Variants in ANKRD11 observed in about 807,000 individuals in gnomAD.
ANKRD11 encodes the protein ankyrin repeat domain 11.
Under a neutral mutation model 195.7 loss-of-function variants are expected in ANKRD11, and 17 were observed. The ratio of observed to expected loss-of-function variants is 0.09; its 90% confidence interval spans 0.06 to 0.13. ANKRD11 has a LOEUF of 0.13. Ranked by LOEUF, ANKRD11 falls within the 10% of genes least tolerant of loss-of-function variation. The pLI, the probability that ANKRD11 is intolerant of heterozygous loss-of-function variation, is 1.00. For synonymous variants in ANKRD11, 1,953 were observed against 1,528.1 expected, an observed-to-expected ratio of 1.28 and a Z score of -6.49; for missense variants, 3,735 against 3,566.1, an observed-to-expected ratio of 1.05 and a Z score of -1.21.
rs376244874 is a variant in ANKRD11, at chr16:89,305,328, G to A, written c.104C>T (p.Ser35Phe). 17 of 1,613,878 alleles carry A rather than the reference G, an allele frequency of 1.1e-5. 1 individual carries two copies. Among genetic ancestry groups the A allele is most frequent in the Non-Finnish European group, 1.4e-5 (17 of 1,179,916 alleles). Residue 35 changes from serine (S) to phenylalanine (F), a missense_variant, in exon 4 of 13, where the codon TCT (serine) becomes TTT (phenylalanine). Ser to Phe is a radical substitution (Grantham distance 155). Transcript: ENST00000301030. ...QTGKKDKDKV[S>F]LTKTPKLERG... The stretch of plus-strand genomic sequence containing the variant: ...CTCCAGTTTTGGGGTCTTGGTTAGA[G>A]AAACTTTATCTTTATCCTAGAAAAG...
At chr16:89,423,643 C>G (rs1457655999) in intron 1 of ANKRD11, among the ~76,000 whole-genome samples, 1 of 152,210 alleles carries the variant, frequency 6.6e-6, no homozygotes, top group Non-Finnish European at 1.5e-5. Flanking sequence ...GTGAGCCCAC[C>G]ATTACTAGAG....
intron 2 of ANKRD11, among the ~76,000 whole-genome samples, chr16:89,333,661 C>A (rs116163232): frequency 6.2e-4 from 95 of 152,340 alleles, no homozygotes; most frequent in Middle Eastern, 3.4e-3. Flanking sequence ...GGCCTGGCAG[C>A]TCGTCTGTTT....
chr16:89,289,664 A>C (rs771685628), intron 6 of ANKRD11, among the ~76,000 whole-genome samples: 6 of 152,180 alleles, frequency 3.9e-5, no homozygotes, highest in Non-Finnish European at 5.9e-5. Flanking sequence ...GCCATGTGCT[A>C]GACACACCAG....
At chr16:89,344,665 C>T (rs1329084136) in intron 2 of ANKRD11, among the ~76,000 whole-genome samples, 3 of 152,192 alleles carry the variant, frequency 2.0e-5, no homozygotes, top group Non-Finnish European at 4.4e-5. Context: ...TGAGGGCACC[C>T]TCATGCATGC....
intron 7 of ANKRD11, chr16:89,286,399 G>A: frequency 2.8e-6 from 2 of 707,042 alleles, no homozygotes; most frequent in Non-Finnish European, 4.7e-6. Context: ...GGGAAGGGCT[G>A]CAGCCGCGGG....
rs1347712812 is a variant in ANKRD11, at chr16:89,270,920, C to A, written c.7714-11G>T. ...CTTGTTCTCGTCACCCTGTGGAAAC[C>A]AAACACGGGAGTTTCATCAGGAGCC... On this transcript the variant is annotated splice_polypyrimidine_tract_variant and intron_variant, in intron 11 of 12. Transcript: ENST00000301030. 4 of 1,613,692 alleles carry A rather than the reference C, an allele frequency of 2.5e-6. No individual in the cohort carries two copies. The African/African-American group carries it at 4.0e-5, about 16-fold the overall frequency.
chr16:89,336,888 G>A (rs2038382966), intron 2 of ANKRD11, among the ~76,000 whole-genome samples: 1 of 152,030 alleles, frequency 6.6e-6, no homozygotes, highest in African/African-American at 2.4e-5. Flanking sequence ...CACTCTGGGA[G>A]GCTGGGTGCG....
intron 2 of ANKRD11, among the ~76,000 whole-genome samples, chr16:89,412,974 C>G (rs935290884): frequency 6.6e-6 from 1 of 152,112 alleles, no homozygotes; most frequent in African/African-American, 2.4e-5. Context: ...TGAGGGAAAA[C>G]AGCTGACAGC....
chr16:89,301,310 A>G (rs546972671), intron 4 of ANKRD11: 1 of 381,590 alleles, frequency 2.6e-6, no homozygotes, highest in African/African-American at 2.1e-5. Context: ...CATATAAAAA[A>G]GTAGACAAAG....
In ANKRD11 at chr16:89,267,638, A is replaced by T. The variant is rs1049677721; in HGVS notation, c.*840T>A. The T allele has an allele frequency of 2.0e-5, 3 of 152,228 alleles. No homozygotes were observed. Among genetic ancestry groups the T allele is most frequent in the Admixed American group, 1.3e-4 (2 of 15,282 alleles). The allele number at this position is 152,228 out of a possible 1,614,324, so 9.4% of individuals were successfully genotyped here. A position where few individuals can be genotyped will look rare whatever the true frequency, so the allele number is the denominator to read the frequency against. On this transcript the variant is annotated 3_prime_UTR_variant, in exon 13 of 13. Coordinates refer to ENST00000301030, the MANE Select transcript of ANKRD11 (RefSeq NM_013275.6). ...GCACTGTACAAAGAGCATTTTAATT[A>T]ATTTATTTATTTCTTTACACATAAC...
rs138587995 is a variant in ANKRD11 at position 89,280,937 on chromosome 16, G to A, written c.5605C>T (p.Pro1869Ser). Residue 1869 changes from proline to serine, a missense_variant, in exon 9 of 13, where the codon CCG (proline) becomes TCG (serine). Pro to Ser is a moderately conservative substitution (Grantham distance 74). Transcript: ENST00000301030. ...SPKVDALHCP[P>S]AAVVTVTPSP... ...GGGGTGACAGTGACAACGGCAGCCGGTGGGCAGTGCAAAGCGTCGACTTTG... is the reference window on the plus strand; with the variant it reads ...GGGGTGACAGTGACAACGGCAGCCGATGGGCAGTGCAAAGCGTCGACTTTG... 1.3e-6 allele frequency: 2 copies of A among 1,590,692 alleles called. No individual in the cohort carries two copies. Among genetic ancestry groups the A allele is most frequent in the African/African-American group, 1.3e-5 (1 of 74,412 alleles).
intron 4 of ANKRD11, among the ~76,000 whole-genome samples, chr16:89,302,215 C>T (rs1053099783): frequency 2.6e-5 from 4 of 152,184 alleles, no homozygotes; most frequent in South Asian, 2.1e-4. Context: ...AGCAGCCTCC[C>T]GGCCCAGGGT....
intron 2 of ANKRD11, among the ~76,000 whole-genome samples, chr16:89,329,486 C>T (rs1362761215): frequency 6.6e-6 from 1 of 152,060 alleles, no homozygotes; most frequent in Admixed American, 6.5e-5. Flanking sequence ...GGTGTTTCCC[C>T]AACGGTATAC....
chr16:89,383,200 G>A (rs914168045), intron 2 of ANKRD11, among the ~76,000 whole-genome samples: 3 of 152,338 alleles, frequency 2.0e-5, no homozygotes, highest in Admixed American at 2.0e-4. Context: ...GGTCACCTCA[G>A]GGAGGAAGAG....
intron 11 of ANKRD11, chr16:89,273,143 A>G (rs1319858613): frequency 6.6e-6 from 1 of 152,170 alleles, no homozygotes; most frequent in African/African-American, 2.4e-5. Context: ...TGTATTTTAA[A>G]ATAACATATA....
At chr16:89,318,949 C>T (rs1164072875) in intron 2 of ANKRD11, among the ~76,000 whole-genome samples, 2 of 152,332 alleles carry the variant, frequency 1.3e-5, no homozygotes, top group South Asian at 2.1e-4. Context: ...TTCCAATTTT[C>T]CACCACAAAA....
At chr16:89,371,088 G>A (rs781385987) in intron 2 of ANKRD11, among the ~76,000 whole-genome samples, 12 of 152,270 alleles carry the variant, frequency 7.9e-5, no homozygotes, top group East Asian at 5.8e-4. Flanking sequence ...GTTCAACTGC[G>A]CGCTCGCTTA....
intron 1 of ANKRD11, among the ~76,000 whole-genome samples, chr16:89,465,918 G>T (rs1013901519): frequency 6.6e-6 from 1 of 152,128 alleles, no homozygotes; most frequent in African/African-American, 2.4e-5. Context: ...CACCGTGTTA[G>T]CCAGGATGGT....
In ANKRD11 at chr16:89,487,626, T is replaced by G. The variant is rs773468696; in HGVS notation, c.-145+2619A>C. On this transcript the variant is annotated intron_variant, in intron 1 of 12. Transcript: ENST00000301030. ...CCATCTCTACTAAAAATACAAAAAT[T>G]AGCCAGGCGTGGCGGTGGGCGCCTG... Among the ~76,000 whole-genome samples the G allele has an allele frequency of 8.4e-4, 127 of 151,762 alleles. 1 individual carries two copies. The highest frequency in any genetic ancestry group is 1.5e-3 in the Non-Finnish European group (104 of 67,920).
Sources: gnomAD v4.1 joint callset for allele counts (sites outside exome capture counted in the v4.1 genomes callset) on GRCh38, gnomAD v4.1.1 for gene constraint, MANE v1.5 for transcripts, NCBI Gene and HGNC (gene_info 2026-07-23, HGNC 2026-07-21) for gene names.